Variants in SLAMF6 observed in about 807,000 individuals in gnomAD.
SLAMF6 encodes the protein NK-T-B-antigen.
In SLAMF6, 21 loss-of-function variants were observed where a neutral mutation model predicts 38.3. That is an observed-to-expected ratio of 0.55 (90% CI 0.39 to 0.79). SLAMF6 has a LOEUF of 0.79. Among genes scored for constraint, SLAMF6 ranks in the 30% least tolerant of loss-of-function variants. The probability of loss-of-function intolerance (pLI) is 0.00; values close to 1 mark genes in which losing one functional copy is unlikely to be tolerated. For synonymous variants in SLAMF6, 152 were observed against 146.3 expected, an observed-to-expected ratio of 1.04 and a Z score of -0.28; for missense variants, 341 against 385.3, an observed-to-expected ratio of 0.89 and a Z score of 0.96.
At chr1:160,491,879 G>T (rs1653322932) in intron 2 of SLAMF6, among the ~76,000 whole-genome samples, 1 of 152,132 alleles carries the variant, frequency 6.6e-6, no homozygotes, top group Non-Finnish European at 1.5e-5. Context: ...CACTTCCTTG[G>T]GGAATTTGAA....
At chr1:160,522,615 G>C (rs2102077200) in intron 1 of SLAMF6, among the ~76,000 whole-genome samples, 1 of 113,488 alleles carries the variant, frequency 8.8e-6, no homozygotes, top group East Asian at 2.7e-4. Context: ...TAAAGGAGGG[G>C]AGAGATGGAA....
intron 6 of SLAMF6, 122 bp from the exon 7 acceptor site, chr1:160,487,297 C>T: frequency 1.1e-6 from 1 of 874,564 alleles, no homozygotes; most frequent in Non-Finnish European, 1.7e-6. Flanking sequence ...CAGAGGAAGG[C>T]TGGGGAATGT....
intron 1 of SLAMF6, among the ~76,000 whole-genome samples, chr1:160,499,265 A>G (rs1172377025): frequency 6.6e-6 from 1 of 152,136 alleles, no homozygotes. Context: ...TCCAGTTTCA[A>G]TCTTCTGCAT....
intron 1 of SLAMF6, among the ~76,000 whole-genome samples, chr1:160,497,002 C>T (rs564391642): frequency 6.6e-6 from 1 of 152,234 alleles, no homozygotes; most frequent in East Asian, 1.9e-4. Flanking sequence ...GAAAAGTTAA[C>T]TAATTTTCCC....
chr1:160,509,940 A>T (rs1654389599), intron 1 of SLAMF6, among the ~76,000 whole-genome samples: 1 of 152,170 alleles, frequency 6.6e-6, no homozygotes, highest in Non-Finnish European at 1.5e-5. Flanking sequence ...ATCTTATAGA[A>T]ATAACAACTA....
chr1:160,495,494 C>T (rs576510050), intron 2 of SLAMF6, among the ~76,000 whole-genome samples: 1 of 152,132 alleles, frequency 6.6e-6, no homozygotes, highest in Non-Finnish European at 1.5e-5. Context: ...AATTAAATAA[C>T]CTTGACAGAA....
intron 6 of SLAMF6, among the ~76,000 whole-genome samples, chr1:160,488,241 T>G (rs1181485120): frequency 2.0e-5 from 3 of 152,044 alleles, no homozygotes; most frequent in African/African-American, 7.2e-5. Flanking sequence ...AGAGTGTGAG[T>G]TGACTTGTTT....
At chr1:160,516,690 C>T (rs1025605017) in intron 1 of SLAMF6, among the ~76,000 whole-genome samples, 2 of 151,968 alleles carry the variant, frequency 1.3e-5, no homozygotes, top group African/African-American at 2.4e-5. Flanking sequence ...GAATAGAGAA[C>T]CCATAAATAA....
At position 160,523,211 on chromosome 1, in the gene SLAMF6, T is replaced by A; in HGVS notation, c.-19A>T. ...ACAACATGCTTTCCGCGGTGAAGAC[T>A]GGTGCTTGAGACCTTGAGGCAGTCA... On this transcript the variant is annotated 5_prime_UTR_variant, in exon 1 of 8. Transcript: ENST00000368057. 1 of 1,612,694 alleles carries A rather than the reference T, an allele frequency of 6.2e-7. No individual in the cohort carries two copies. Among genetic ancestry groups the A allele is most frequent in the East Asian group, 2.2e-5 (1 of 44,778 alleles).
At position 160,486,508 on chromosome 1, in the gene SLAMF6, A is replaced by G. The variant is rs953899730; in HGVS notation, c.*199T>C. Reference sequence around the variant, plus strand: ...GATTGGAAAATATTATTTGAACCACATGCTGGAAATGATGTTATCCTTAGG... The same window carrying G: ...GATTGGAAAATATTATTTGAACCACGTGCTGGAAATGATGTTATCCTTAGG... On this transcript the variant is annotated 3_prime_UTR_variant, in exon 8 of 8. Coordinates refer to ENST00000368057, the MANE Select transcript of SLAMF6 (RefSeq NM_001184714.2). 1.8e-6 allele frequency: 1 copy of G among 559,614 alleles called. No homozygotes were observed. The allele number at this position is 559,614 out of a possible 1,614,324, so 34.7% of individuals were successfully genotyped here.
chr1:160,510,747 C>G (rs1654431445), intron 1 of SLAMF6, among the ~76,000 whole-genome samples: 2 of 151,932 alleles, frequency 1.3e-5, no homozygotes, highest in African/African-American at 4.8e-5. Flanking sequence ...AGCAATTAGG[C>G]AAGAAAAATA....
At chr1:160,520,089 A>C (rs2102072565) in intron 1 of SLAMF6, among the ~76,000 whole-genome samples, 1 of 152,276 alleles carries the variant, frequency 6.6e-6, no homozygotes, top group East Asian at 1.9e-4. Flanking sequence ...GGATAATGAA[A>C]AAATATAAAA....
chr1:160,496,483 T>C (rs1326491489), intron 1 of SLAMF6, 90 bp from the exon 2 acceptor site: 8 of 1,292,262 alleles, frequency 6.2e-6, no homozygotes, highest in Middle Eastern at 1.9e-4. Flanking sequence ...GCCAGTCTGT[T>C]AGAGCTCTCT....
intron 2 of SLAMF6, among the ~76,000 whole-genome samples, chr1:160,492,750 G>C (rs1241802295): frequency 1.3e-5 from 2 of 152,186 alleles, no homozygotes; most frequent in African/African-American, 4.8e-5. Context: ...CATCTGACTT[G>C]TTGACAACTG....
intron 7 of SLAMF6, 100 bp from the exon 8 acceptor site, chr1:160,486,854 G>A: frequency 1.5e-6 from 2 of 1,325,782 alleles, no homozygotes; most frequent in African/African-American, 1.5e-5. Context: ...CAGAGAGGCA[G>A]ATAATAGAGA....
chr1:160,490,164 TTTATGATGGAGAGTTAA>T lies in SLAMF6; in HGVS notation c.796+17_796+33del. The stretch of plus-strand genomic sequence containing the variant: ...CTTCCATTTGGCTCTTCCCATCTGC[TTTATGATGGAGAGTTAA>T]GAGTCTGAATGCTCACCGGGGCCCT... On this transcript the variant is annotated intron_variant, in intron 5 of 7. Transcript: ENST00000368057. 6.2e-7 allele frequency: 1 copy of T among 1,610,674 alleles called. No individual in the cohort carries two copies. The highest frequency in any genetic ancestry group is 8.5e-7 in the Non-Finnish European group (1 of 1,176,918).
At chr1:160,486,878 G>A in intron 7 of SLAMF6, 124 bp from the exon 8 acceptor site, 1 of 1,125,352 alleles carries the variant, frequency 8.9e-7, no homozygotes, top group Non-Finnish European at 1.3e-6. Context: ...TGATAGCATA[G>A]GGCAGGATTA....
intron 1 of SLAMF6, among the ~76,000 whole-genome samples, chr1:160,519,735 C>A (rs1654901305): frequency 7.5e-6 from 1 of 134,172 alleles, no homozygotes; most frequent in African/African-American, 2.9e-5. Flanking sequence ...TGAAATTATC[C>A]AGAATAGGTA....
chr1:160,485,638 G>T lies in SLAMF6; in HGVS notation c.*1069C>A, dbSNP rs2102007917. 6.6e-6 allele frequency: 1 copy of T among 152,414 alleles called. No homozygotes were observed. Among genetic ancestry groups the T allele is most frequent in the South Asian group, 2.1e-4 (1 of 4,824 alleles). The allele number at this position is 152,414 out of a possible 1,614,324, so 9.4% of individuals were successfully genotyped here. A position where few individuals can be genotyped will look rare whatever the true frequency, so the allele number is the denominator to read the frequency against. ...TCTTTCTGAGTGCATTGGGAAACCT[G>T]CAGGGTTTTAAGCAGGAAACTGAAG... On this transcript the variant is annotated 3_prime_UTR_variant, in exon 8 of 8. Transcript: ENST00000368057.
Sources: gnomAD v4.1 joint callset for allele counts (sites outside exome capture counted in the v4.1 genomes callset) on GRCh38, gnomAD v4.1.1 for gene constraint, MANE v1.5 for transcripts, NCBI Gene and HGNC (gene_info 2026-07-23, HGNC 2026-07-21) for gene names.